The following SCCPDH variants were observed in gnomAD, a reference collection of about 807,000 sequenced individuals.
The protein encoded by SCCPDH is saccharopine dehydrogenase-like oxidoreductase.
A neutral mutation model predicts 51.5 loss-of-function variants in SCCPDH; 34 were observed. The ratio of observed to expected loss-of-function variants is 0.66; its 90% CI spans 0.50 to 0.88. SCCPDH has a LOEUF of 0.88. SCCPDH is among the 40% of genes least tolerant of loss of function. The pLI, the probability that SCCPDH is intolerant of heterozygous loss-of-function variation, is 0.00. For missense variants in SCCPDH, 464 were observed against 527.1 expected (o/e 0.88, Z 1.17); for synonymous variants, 187 against 191.3 (o/e 0.98, Z 0.19).
intron 2 of SCCPDH, among the ~76,000 whole-genome samples, chr1:246,729,128 A>G (rs1178881414): frequency 6.6e-6 from 1 of 152,214 alleles, no homozygotes; most frequent in Non-Finnish European, 1.5e-5. Flanking sequence ...TCAAAAGGCA[A>G]TACGGTATCA....
chr1:246,746,302 A>C (rs1438726992), intron 5 of SCCPDH, among the ~76,000 whole-genome samples: 1 of 152,006 alleles, frequency 6.6e-6, no homozygotes. Flanking sequence ...TGGGGGCTGC[A>C]TGCACCGGCA....
In SCCPDH at chr1:246,768,030, T is replaced by G; in HGVS notation, c.*730T>G. 6.6e-6 allele frequency: 1 copy of G among 152,200 alleles called. No individual in the cohort carries two copies. The highest frequency in any genetic ancestry group is 1.9e-4 in the East Asian group (1 of 5,204). 9.4% of individuals were successfully genotyped at this position (152,200 alleles called of 1,614,324 possible). On this transcript the variant is annotated 3_prime_UTR_variant, in exon 12 of 12. Transcript: ENST00000366510. ...TCACTACCTAAGCAGAATTTTTCTC[T>G]AATTTACTTTTTGTATTTTAACTAG... is the stretch of plus-strand genomic sequence containing the variant.
chr1:246,759,281 TACAC>T, intron 7 of SCCPDH, 130 bp downstream of exon 7: 1 of 628,646 alleles, frequency 1.6e-6, no homozygotes, highest in Admixed American at 2.9e-5. Flanking sequence ...CCTCTGGAAA[TACAC>T]AGAATCATTA....
intron 2 of SCCPDH, among the ~76,000 whole-genome samples, chr1:246,733,113 G>T (rs1022841316): frequency 1.3e-5 from 2 of 152,060 alleles, no homozygotes; most frequent in African/African-American, 2.4e-5. Flanking sequence ...TGAGATGGGG[G>T]TCTCACTTTG....
chr1:246,751,152 A>G (rs1412097739), intron 5 of SCCPDH, among the ~76,000 whole-genome samples: 2 of 152,228 alleles, frequency 1.3e-5, no homozygotes, highest in Non-Finnish European at 2.9e-5. Flanking sequence ...GCCATTTTAT[A>G]TTTGACAATT....
chr1:246,739,929 G>A lies in SCCPDH; in HGVS notation c.385-243G>A, dbSNP rs566660168. On this transcript the variant is annotated intron_variant, in intron 3 of 11. Coordinates refer to ENST00000366510, the MANE Select transcript of SCCPDH (RefSeq NM_016002.3). ...ATAGGCATTACTTTTATATTTAAAA[G>A]TCATTCTAAAAAAATTAAGTGTCAT... Among the ~76,000 whole-genome samples, 5 of 151,778 alleles carry A rather than the reference G, an allele frequency of 3.3e-5. No homozygotes were observed. In the South Asian group the frequency reaches 6.2e-4, roughly 19 times the overall value.
intron 3 of SCCPDH, among the ~76,000 whole-genome samples, chr1:246,737,290 G>T (rs1325693604): frequency 6.6e-6 from 1 of 151,472 alleles, no homozygotes; most frequent in East Asian, 1.9e-4. Context: ...AGCACTTTGG[G>T]AGGCTAGGTG....
chr1:246,752,863 CTT>C (rs1668869650), intron 5 of SCCPDH, among the ~76,000 whole-genome samples: 1 of 152,110 alleles, frequency 6.6e-6, no homozygotes, highest in African/African-American at 2.4e-5. Flanking sequence ...TTATATATGA[CTT>C]TTGTTCTTTT....
intron 5 of SCCPDH, among the ~76,000 whole-genome samples, chr1:246,749,120 G>A (rs1668813735): frequency 6.6e-6 from 1 of 152,168 alleles, no homozygotes; most frequent in Non-Finnish European, 1.5e-5. Context: ...ATGACTCATC[G>A]CCTCGGCTGT....
rs528298973 is a variant in SCCPDH, at chr1:246,726,214, A to G, written c.191-678A>G. On this transcript the variant is annotated intron_variant, in intron 1 of 11. Coordinates refer to ENST00000366510, the MANE Select transcript of SCCPDH (RefSeq NM_016002.3). ...ACTCTCCATCACCTACAATTGGATC[A>G]TAGTAATTGTTTAGTGGTTGATGAG... Among the ~76,000 whole-genome samples the G allele has an allele frequency of 7.1e-4, 108 of 152,234 alleles. 2 individuals carry two copies. The South Asian group carries it at 0.021, about 30-fold the overall frequency.
chr1:246,736,077 A>G, intron 3 of SCCPDH, 22 bp downstream of exon 3: 2 of 1,520,398 alleles, frequency 1.3e-6, no homozygotes, highest in Non-Finnish European at 1.8e-6. Flanking sequence ...AAAAAGGAAA[A>G]ACGTAGAATT....
intron 5 of SCCPDH, among the ~76,000 whole-genome samples, chr1:246,746,434 C>T (rs140249299): frequency 1.8e-3 from 278 of 152,306 alleles, no homozygotes; most frequent in African/African-American, 6.1e-3. Context: ...CAGGACGCGG[C>T]GCCGGGCTGT....
intron 6 of SCCPDH, 72 bp downstream of exon 6, chr1:246,758,428 AGTAT>A (rs1329259134): frequency 8.9e-7 from 1 of 1,128,786 alleles, no homozygotes; most frequent in African/African-American, 1.6e-5. Context: ...CTATTAATAA[AGTAT>A]GTTACTAAGA....
chr1:246,749,386 T>C (rs7366187), intron 5 of SCCPDH, among the ~76,000 whole-genome samples: 26,247 of 152,136 alleles, frequency 0.17, 3,680 homozygotes, highest in African/African-American at 0.38. Flanking sequence ...GGGTATATAA[T>C]GAGAGAAAGT....
chr1:246,746,651 G>A (rs1235099604), intron 5 of SCCPDH, among the ~76,000 whole-genome samples: 1 of 152,102 alleles, frequency 6.6e-6, no homozygotes, highest in Non-Finnish European at 1.5e-5. Flanking sequence ...GACCAGCCTG[G>A]CCAATATGGT....
At chr1:246,732,156 G>T (rs1668502225) in intron 2 of SCCPDH, among the ~76,000 whole-genome samples, 1 of 152,162 alleles carries the variant, frequency 6.6e-6, no homozygotes, top group Non-Finnish European at 1.5e-5. Context: ...CAGGAGGAAA[G>T]GTGACATCAC....
chr1:246,745,688 T>G (rs1668748189), intron 5 of SCCPDH, among the ~76,000 whole-genome samples: 1 of 152,140 alleles, frequency 6.6e-6, no homozygotes, highest in South Asian at 2.1e-4. Flanking sequence ...TCATCTCGAT[T>G]GTGGGTTCAG....
At chr1:246,758,588 C>A (rs1269003282) in intron 6 of SCCPDH, among the ~76,000 whole-genome samples, 2 of 151,996 alleles carry the variant, frequency 1.3e-5, no homozygotes, top group Non-Finnish European at 2.9e-5. Context: ...ATAATTAATC[C>A]ATTACCATAA....
At chr1:246,736,106 T>A (rs567054697) in intron 3 of SCCPDH, 51 bp downstream of exon 3, 129 of 1,236,380 alleles carry the variant, frequency 1.0e-4, no homozygotes, top group Non-Finnish European at 1.4e-4. Context: ...AATTTCGGTT[T>A]AATGAAGTGG....
Sources: gnomAD v4.1 joint callset for allele counts (sites outside exome capture counted in the v4.1 genomes callset) on GRCh38, gnomAD v4.1.1 for gene constraint, MANE v1.5 for transcripts, NCBI Gene and HGNC (gene_info 2026-07-23, HGNC 2026-07-21) for gene names.